Variants in RNLS observed in about 807,000 individuals in gnomAD.
RNLS encodes renalase, FAD dependent amine oxidase.
In RNLS, 39 loss-of-function variants were observed where a neutral mutation model predicts 39.8. The ratio of observed to expected loss-of-function variants is 0.98; its 90% CI spans 0.76 to 1.28. RNLS has a LOEUF of 1.28. RNLS is among the 50% of genes most tolerant of loss of function. The pLI is 0.00. For missense variants in RNLS, 410 were observed against 413.3 expected (o/e 0.99, Z 0.07); for synonymous variants, 147 against 150.7 (o/e 0.98, Z 0.18).
intron 4 of RNLS, among the ~76,000 whole-genome samples, chr10:88,418,081 C>CTTTTTT: frequency 6.9e-6 from 1 of 143,924 alleles, no homozygotes; most frequent in Non-Finnish European, 1.5e-5. Flanking sequence ...GAGCTTTTGT[C>CTTTTTT]TTTTTTTTTT....
intron 4 of RNLS, among the ~76,000 whole-genome samples, chr10:88,533,478 A>G (rs1177326608): frequency 6.6e-6 from 1 of 152,186 alleles, no homozygotes; most frequent in Non-Finnish European, 1.5e-5. Flanking sequence ...AGGTCAGTTG[A>G]AATCAGATTT....
intron 4 of RNLS, among the ~76,000 whole-genome samples, chr10:88,363,881 G>A (rs1443976782): frequency 6.6e-6 from 1 of 152,092 alleles, no homozygotes; most frequent in East Asian, 1.9e-4. Flanking sequence ...AGTCTGTTGT[G>A]AGGATTATAT....
the RNLS span, among the ~76,000 whole-genome samples, chr10:88,185,098 A>G: frequency 6.6e-6 from 1 of 152,210 alleles, no homozygotes; most frequent in Non-Finnish European, 1.5e-5. Flanking sequence ...TACATAGTAG[A>G]CAAGAAAGGC....
At chr10:88,501,909 T>G (rs1422747540) in intron 4 of RNLS, among the ~76,000 whole-genome samples, 2 of 152,168 alleles carry the variant, frequency 1.3e-5, no homozygotes, top group Non-Finnish European at 2.9e-5. Flanking sequence ...AGACCTGGTA[T>G]AATAATATGG....
chr10:88,414,925 T>C (rs1393593017), intron 4 of RNLS, among the ~76,000 whole-genome samples: 2 of 152,178 alleles, frequency 1.3e-5, no homozygotes, highest in East Asian at 1.9e-4. Flanking sequence ...TGTGGGTATC[T>C]AGAGCTCTGA....
chr10:88,577,478 A>G (rs1850280492), intron 3 of RNLS, among the ~76,000 whole-genome samples: 1 of 152,212 alleles, frequency 6.6e-6, no homozygotes, highest in Non-Finnish European at 1.5e-5. Flanking sequence ...TCGCATTAAC[A>G]AATAGGGATG....
At chr10:88,422,946 T>C (rs1233051977) in intron 4 of RNLS, among the ~76,000 whole-genome samples, 2 of 152,144 alleles carry the variant, frequency 1.3e-5, no homozygotes, top group African/African-American at 4.8e-5. Context: ...AAGAACGGTC[T>C]TCTATGTTGC....
intron 4 of RNLS, among the ~76,000 whole-genome samples, chr10:88,369,208 C>T (rs989572086): frequency 2.0e-5 from 3 of 152,116 alleles, no homozygotes; most frequent in African/African-American, 7.2e-5. Flanking sequence ...TTTCTTTCCT[C>T]CCTCCCCATG....
At chr10:88,526,391 A>T (rs1290428299) in intron 4 of RNLS, among the ~76,000 whole-genome samples, 1 of 152,040 alleles carries the variant, frequency 6.6e-6, no homozygotes, top group African/African-American at 2.4e-5. Flanking sequence ...TCCTACTAAA[A>T]TGACAATAAA....
intron 4 of RNLS, among the ~76,000 whole-genome samples, chr10:88,397,390 T>C (rs1010723608): frequency 3.9e-5 from 6 of 152,022 alleles, no homozygotes; most frequent in African/African-American, 1.4e-4. Flanking sequence ...GACAAAGATC[T>C]AACAAGGGAC....
At chr10:88,221,678 A>G in the RNLS span, among the ~76,000 whole-genome samples, 3 of 152,360 alleles carry the variant, frequency 2.0e-5, no homozygotes, top group Admixed American at 6.5e-5. Flanking sequence ...TGGGCACACA[A>G]TCTTCCATTT....
chr10:88,249,308 G>A, the RNLS span, among the ~76,000 whole-genome samples: 1 of 152,198 alleles, frequency 6.6e-6, no homozygotes, highest in Non-Finnish European at 1.5e-5. Context: ...TGGCCTAGGG[G>A]TGGTAGAACT....
At chr10:88,564,318 C>CACAT (rs2134402690) in intron 4 of RNLS, among the ~76,000 whole-genome samples, 1 of 5,800 alleles carries the variant, frequency 1.7e-4, no homozygotes, top group African/African-American at 3.1e-3. Flanking sequence ...ACTGCAAATA[C>CACAT]ACACACACAC....
intron 6 of RNLS, among the ~76,000 whole-genome samples, chr10:88,313,979 T>C (rs763167502): frequency 6.6e-6 from 1 of 152,158 alleles, no homozygotes; most frequent in Non-Finnish European, 1.5e-5. Context: ...CAGGTACTTA[T>C]CTCTCTCCCC....
At chr10:88,523,538 A>G (rs936826851) in intron 4 of RNLS, among the ~76,000 whole-genome samples, 2 of 152,116 alleles carry the variant, frequency 1.3e-5, no homozygotes, top group Non-Finnish European at 2.9e-5. Context: ...TCAGGTTCCA[A>G]GCTCAGAAAC....
Position 88,454,745 on chromosome 10 carries a change from G to A in RNLS, c.527-92020C>T, listed in dbSNP as rs190869722. 1.9e-3 allele frequency among the ~76,000 whole-genome samples: 293 copies of A among 152,262 alleles called. 2 individuals are homozygous for A. The highest frequency in any genetic ancestry group is 6.7e-3 in the African/African-American group (277 of 41,544). ...CAGACATCTTTCCCCTGTGACCAAA[G>A]AGGCAAGAAGTAGAACTTGTTCCAA... is the stretch of plus-strand genomic sequence containing the variant. On this transcript the variant is annotated intron_variant, in intron 4 of 6. Coordinates refer to ENST00000331772, the MANE Select transcript of RNLS (RefSeq NM_001031709.3).
the RNLS span, among the ~76,000 whole-genome samples, chr10:88,250,671 T>A: frequency 2.0e-5 from 3 of 152,212 alleles, no homozygotes; most frequent in Admixed American, 6.5e-5. Flanking sequence ...AACTAAAAAA[T>A]TTTAAAAACT....
At chr10:88,459,576 G>C (rs1025762091) in intron 4 of RNLS, among the ~76,000 whole-genome samples, 3 of 152,136 alleles carry the variant, frequency 2.0e-5, no homozygotes, top group Admixed American at 6.6e-5. Flanking sequence ...AGAGTCAACA[G>C]AGCCCCAGGA....
intron 5 of RNLS, among the ~76,000 whole-genome samples, chr10:88,322,930 T>A (rs1282262074): frequency 6.6e-6 from 1 of 152,128 alleles, no homozygotes; most frequent in East Asian, 1.9e-4. Context: ...ATGACTTCAG[T>A]ACAGTTTCAG....
Sources: allele counts gnomAD v4.1 joint callset (sites outside exome capture counted in the v4.1 genomes callset), GRCh38; gene constraint gnomAD v4.1.1; transcripts MANE v1.5; gene names NCBI Gene and HGNC (gene_info 2026-07-23, HGNC 2026-07-21).